Variants in FILIP1 observed in about 807,000 individuals in gnomAD.
FILIP1 encodes the protein filamin-A-interacting protein 1.
A neutral mutation model predicts 102.1 loss-of-function variants in FILIP1; 61 were observed. That is an observed-to-expected ratio of 0.60 (90% confidence interval 0.49 to 0.74). The LOEUF (loss-of-function observed/expected upper bound fraction) is 0.74, where lower values mean the gene tolerates loss of function less well. FILIP1 is among the 30% of genes least tolerant of loss of function. FILIP1 has a pLI of 0.00. For missense variants in FILIP1, 1,314 were observed against 1,441.2 expected (o/e 0.91, Z 1.43); for synonymous variants, 491 against 526.9 (o/e 0.93, Z 0.93).
At chr6:75,332,430 A>G (rs956981179) in intron 4 of FILIP1, among the ~76,000 whole-genome samples, 4 of 152,194 alleles carry the variant, frequency 2.6e-5, no homozygotes, top group Admixed American at 2.6e-4. Flanking sequence ...AAAAGCCATG[A>G]ACCATACAAG....
At chr6:75,392,515 A>G (rs184604630) in intron 2 of FILIP1, among the ~76,000 whole-genome samples, 1 of 152,124 alleles carries the variant, frequency 6.6e-6, no homozygotes, top group African/African-American at 2.4e-5. Context: ...CCCATTTCCC[A>G]TTTGCTCAGG....
intron 2 of FILIP1, among the ~76,000 whole-genome samples, chr6:75,413,915 G>A (rs984939071): frequency 1.3e-5 from 2 of 150,790 alleles, no homozygotes; most frequent in Admixed American, 6.6e-5. Context: ...GGGAGGGAGG[G>A]ACATGGCTCA....
intron 2 of FILIP1, among the ~76,000 whole-genome samples, chr6:75,395,767 A>C (rs1471928328): frequency 6.6e-6 from 1 of 152,216 alleles, no homozygotes; most frequent in Middle Eastern, 3.2e-3. Context: ...TATTGTAGTG[A>C]CACTTTATCA....
intron 1 of FILIP1, among the ~76,000 whole-genome samples, chr6:75,462,703 A>C (rs936745224): frequency 2.0e-5 from 3 of 152,188 alleles, no homozygotes; most frequent in South Asian, 2.1e-4. Flanking sequence ...CTAGAAAATT[A>C]TCTCTCAAAC....
chr6:75,314,256 C>T lies in FILIP1; in HGVS notation c.1576G>A (p.Val526Met), dbSNP rs776360054. 1 of 1,556,822 alleles carries T rather than the reference C, an allele frequency of 6.4e-7. No homozygotes were observed. Among genetic ancestry groups the T allele is most frequent in the Non-Finnish European group, 8.6e-7 (1 of 1,162,936 alleles). ...MEKIKQEERK[V>M]DGLNKNFKVE... ...TTAAAATTTTTATTGAGTCCATCCA[C>T]TTTTCTCTCTTCTTGTTTTATTTTT... The change falls in exon 5 of 6, where the codon GTG becomes ATG. Residue 526 changes from valine to methionine, a missense_variant. Coordinates refer to ENST00000237172, the MANE Select transcript of FILIP1 (RefSeq NM_015687.5).
intron 1 of FILIP1, among the ~76,000 whole-genome samples, chr6:75,420,144 T>C (rs1360242654): frequency 6.6e-6 from 1 of 152,080 alleles, no homozygotes; most frequent in Non-Finnish European, 1.5e-5. Flanking sequence ...AGTGATGTTG[T>C]CATGAAAAGG....
At chr6:75,402,581 G>C (rs938032166) in intron 2 of FILIP1, among the ~76,000 whole-genome samples, 5 of 152,124 alleles carry the variant, frequency 3.3e-5, no homozygotes, top group African/African-American at 1.2e-4. Flanking sequence ...GCCTTCCCAT[G>C]TGACAAATGG....
intron 1 of FILIP1, among the ~76,000 whole-genome samples, chr6:75,420,942 T>C (rs183439976): frequency 1.2e-4 from 19 of 152,294 alleles, no homozygotes; most frequent in African/African-American, 4.1e-4. Context: ...TATTAGAATA[T>C]AGGTTTATAG....
At chr6:75,424,169 A>T (rs1297157951) in intron 1 of FILIP1, among the ~76,000 whole-genome samples, 2 of 152,160 alleles carry the variant, frequency 1.3e-5, no homozygotes, top group Non-Finnish European at 2.9e-5. Context: ...GTCTGTTTGG[A>T]TTCTCCATGT....
At chr6:75,295,974 C>T (rs1466795000) in intron 6 of FILIP1, 2 of 1,409,360 alleles carry the variant, frequency 1.4e-6, no homozygotes, top group Non-Finnish European at 1.8e-6. Flanking sequence ...AAAGACATGG[C>T]ATTTTCAATT....
intron 4 of FILIP1, among the ~76,000 whole-genome samples, chr6:75,334,312 C>G (rs1345035829): frequency 6.6e-6 from 1 of 152,128 alleles, no homozygotes; most frequent in African/African-American, 2.4e-5. Flanking sequence ...ACCAGGAGCA[C>G]TCTTCATACC....
intron 2 of FILIP1, among the ~76,000 whole-genome samples, chr6:75,393,181 G>C (rs1186852616): frequency 6.6e-6 from 1 of 152,042 alleles, no homozygotes; most frequent in Non-Finnish European, 1.5e-5. Flanking sequence ...CACTTTCTCT[G>C]TTTAACCCAA....
At chr6:75,478,547 T>G (rs1363658555) in intron 1 of FILIP1, among the ~76,000 whole-genome samples, 1 of 152,130 alleles carries the variant, frequency 6.6e-6, no homozygotes. Context: ...CAACATCTGG[T>G]GGTGATAGAG....
intron 1 of FILIP1, among the ~76,000 whole-genome samples, chr6:75,418,099 G>A (rs2149692078): frequency 6.6e-6 from 1 of 152,332 alleles, no homozygotes; most frequent in South Asian, 2.1e-4. Context: ...TAGGAAGACT[G>A]ATGCAGGAGA....
chr6:75,338,596 A>T (rs1774318827), intron 4 of FILIP1, among the ~76,000 whole-genome samples: 1 of 152,240 alleles, frequency 6.6e-6, no homozygotes, highest in South Asian at 2.1e-4. Flanking sequence ...CACTGTAGTG[A>T]TACGAGACAA....
At chr6:75,365,999 C>G (rs1312635966) in intron 2 of FILIP1, 4 of 152,202 alleles carry the variant, frequency 2.6e-5, no homozygotes, top group African/African-American at 4.8e-5. Context: ...AAGGATTATT[C>G]TATGACCTCT....
intron 2 of FILIP1, chr6:75,367,590 G>A (rs551924993): frequency 5.9e-5 from 9 of 152,228 alleles, no homozygotes; most frequent in African/African-American, 2.2e-4. Context: ...GAGTCACAGT[G>A]AGCCGAGATT....
intron 1 of FILIP1, among the ~76,000 whole-genome samples, chr6:75,491,261 G>C (rs1379629892): frequency 6.6e-6 from 1 of 152,076 alleles, no homozygotes; most frequent in Non-Finnish European, 1.5e-5. Flanking sequence ...GTATTGAAAT[G>C]TTCACTGAGT....
chr6:75,302,823 C>CATGATATGATATG (rs1554197449), intron 6 of FILIP1, among the ~76,000 whole-genome samples: 1 of 149,100 alleles, frequency 6.7e-6, no homozygotes, highest in Admixed American at 6.7e-5. Context: ...TATGATATGA[C>CATGATATGATATG]ATGATATGAT....
Sources: allele counts gnomAD v4.1 joint callset (sites outside exome capture counted in the v4.1 genomes callset), GRCh38; gene constraint gnomAD v4.1.1; transcripts MANE v1.5; gene names NCBI Gene and HGNC (gene_info 2026-07-23, HGNC 2026-07-21).